DGKG: variants seen among roughly 807,000 people sequenced by gnomAD.
DGKG encodes the protein DAG kinase gamma.
Under a neutral mutation model 105.3 loss-of-function variants are expected in DGKG, and 78 were observed. The ratio of observed to expected loss-of-function variants is 0.74; its 90% confidence interval spans 0.62 to 0.89. The LOEUF (loss-of-function observed/expected upper bound fraction) is 0.89, where lower values mean the gene tolerates loss of function less well. DGKG is among the 40% of genes least tolerant of loss of function. The probability of loss-of-function intolerance (pLI) is 0.00; values close to 1 mark genes in which losing one functional copy is unlikely to be tolerated. For missense variants in DGKG, 958 were observed against 1,020.1 expected, an observed-to-expected ratio of 0.94 and a Z score of 0.83; for synonymous variants, 346 against 367.1, an observed-to-expected ratio of 0.94 and a Z score of 0.66.
chr3:186,325,295 AC>A (rs1725285323), intron 1 of DGKG, among the ~76,000 whole-genome samples: 1 of 152,198 alleles, frequency 6.6e-6, no homozygotes, highest in South Asian at 2.1e-4. Context: ...AAAATTGGGT[AC>A]TATGCTCACT....
In DGKG at chr3:186,198,218, G is replaced by A. The variant is rs567325881; in HGVS notation, c.1918-9839C>T. On this transcript the variant is annotated intron_variant, in intron 21 of 24. Transcript: ENST00000265022. ...CGTATGAGTTCCCCCAACCTCTCTGGATGAATATAGTGAACAAATAAAGTG... is the reference window on the plus strand; with the variant it reads ...CGTATGAGTTCCCCCAACCTCTCTGAATGAATATAGTGAACAAATAAAGTG... Among the ~76,000 whole-genome samples, 4 of 152,310 alleles carry A rather than the reference G, an allele frequency of 2.6e-5. No homozygotes were observed. The South Asian group carries it at 8.3e-4, about 32-fold the overall frequency.
rs532370681 is a variant in DGKG at position 186,217,473 on chromosome 3, A to G, written c.1827-5588T>C. ...CCACATGGAGAAATGGCAAATACAAACAGTGACACCATGGCTCAACTCTAT... is the reference window on the plus strand; with the variant it reads ...CCACATGGAGAAATGGCAAATACAAGCAGTGACACCATGGCTCAACTCTAT... On this transcript the variant is annotated intron_variant, in intron 20 of 24. Transcript: ENST00000265022. 1.2e-4 allele frequency among the ~76,000 whole-genome samples: 19 copies of G among 152,340 alleles called. No individual in the cohort carries two copies. In the East Asian group the frequency reaches 3.5e-3, roughly 28 times the overall value.
At chr3:186,258,178 A>T (rs1174675816) in intron 16 of DGKG, among the ~76,000 whole-genome samples, 1 of 152,198 alleles carries the variant, frequency 6.6e-6, no homozygotes, top group Non-Finnish European at 1.5e-5. Flanking sequence ...CATTCGACAC[A>T]AATGGAAAAT....
chr3:186,264,775 G>A (rs1176311429), intron 14 of DGKG, among the ~76,000 whole-genome samples: 2 of 152,062 alleles, frequency 1.3e-5, no homozygotes, highest in Admixed American at 1.3e-4. Context: ...GAACTCTGTG[G>A]AAGACACAAA....
Position 186,150,103 on chromosome 3 carries a change from C to T in DGKG, c.2363G>A (p.Arg788His), listed in dbSNP as rs201727536. 235 of 1,613,178 alleles carry T rather than the reference C, an allele frequency of 1.5e-4. 2 individuals carry two copies. The highest frequency in any genetic ancestry group is 3.3e-4 in the Middle Eastern group (2 of 6,082). The change falls in exon 25 of 25, where the codon CGT (arginine) becomes CAT (histidine). Residue 788 changes from arginine (R) to histidine (H), a missense_variant. By Grantham distance (29) the Arg-to-His change is conservative. Coordinates refer to ENST00000265022, the MANE Select transcript of DGKG (RefSeq NM_001346.3). ...SSFFSLRRKS[R>H]SKD ...TTGGCACACTGTTTAGTCTTTTGAA[C>T]GGCTCTTCCTTCTCAACGAGAAGAA...
chr3:186,233,055 T>A (rs1720229910), intron 20 of DGKG, among the ~76,000 whole-genome samples: 1 of 152,174 alleles, frequency 6.6e-6, no homozygotes, highest in Non-Finnish European at 1.5e-5. Flanking sequence ...CCTGAAGATG[T>A]CCACGTTCTG....
At chr3:186,254,518 CACCTCGGCAGGTCA>C (rs1392119276) in intron 17 of DGKG, among the ~76,000 whole-genome samples, 2 of 152,174 alleles carry the variant, frequency 1.3e-5, no homozygotes, top group Non-Finnish European at 2.9e-5. Flanking sequence ...TCTGTGTCCC[CACCTCGGCAGGTCA>C]ACTGTTGTTA....
chr3:186,209,453 G>T (rs138037353), intron 21 of DGKG, among the ~76,000 whole-genome samples: 27 of 152,188 alleles, frequency 1.8e-4, no homozygotes, highest in South Asian at 6.2e-4. Flanking sequence ...CATAAAATGG[G>T]GATAATAATC....
At position 186,148,793 on chromosome 3, in the gene DGKG, C is replaced by G. The variant is rs1319993899; in HGVS notation, c.*1297G>C. 2 of 985,404 alleles carry G rather than the reference C, an allele frequency of 2.0e-6. No homozygotes were observed. The highest frequency in any genetic ancestry group is 2.4e-6 in the Non-Finnish European group (2 of 829,888). The allele number at this position is 985,404 out of a possible 1,614,324, so 61.0% of individuals were successfully genotyped here. ...CGGTCTCTTCGTTCATAATAGGGAG[C>G]TACTTTCATTCCCCTTAACCCTTGT... On this transcript the variant is annotated 3_prime_UTR_variant, in exon 25 of 25. Transcript: ENST00000265022.
chr3:186,315,696 C>G (rs1724787182), intron 2 of DGKG, among the ~76,000 whole-genome samples: 1 of 152,084 alleles, frequency 6.6e-6, no homozygotes, highest in Non-Finnish European at 1.5e-5. Context: ...CCGCTAACAG[C>G]TATGCTTCTG....
intron 16 of DGKG, among the ~76,000 whole-genome samples, chr3:186,259,721 G>C (rs571793436): frequency 3.9e-4 from 60 of 152,094 alleles, no homozygotes; most frequent in Non-Finnish European, 7.2e-4. Flanking sequence ...GAGGGCTCTC[G>C]AGCACCGGCC....
At chr3:186,175,647 G>A (rs1717041397) in intron 22 of DGKG, among the ~76,000 whole-genome samples, 1 of 152,170 alleles carries the variant, frequency 6.6e-6, no homozygotes, top group Non-Finnish European at 1.5e-5. Flanking sequence ...GCAGAGCTAT[G>A]GAATCTTGAT....
rs146672128 is a variant in DGKG at position 186,337,554 on chromosome 3, A to C, written c.-248-16847T>G. Among the ~76,000 whole-genome samples, 131 of 152,330 alleles carry C rather than the reference A, an allele frequency of 8.6e-4. 1 individual carries two copies. The East Asian group carries it at 0.022, about 25-fold the overall frequency. ...TACTAGAAGCATTACCATTAAAATC[A>C]AGGACATGATAAGGATGCATGTTAG... On this transcript the variant is annotated intron_variant, in intron 1 of 24. Coordinates refer to ENST00000265022, the MANE Select transcript of DGKG (RefSeq NM_001346.3).
intron 20 of DGKG, among the ~76,000 whole-genome samples, chr3:186,223,081 TG>T (rs2108531787): frequency 7.2e-6 from 1 of 138,120 alleles, no homozygotes; most frequent in African/African-American, 2.6e-5. Context: ...ACTCCATTGT[TG>T]TATATAAAAC....
At chr3:186,265,128 T>C (rs1270283124) in intron 14 of DGKG, 119 bp downstream of exon 14, 6 of 909,794 alleles carry the variant, frequency 6.6e-6, no homozygotes, top group Non-Finnish European at 3.6e-6. Flanking sequence ...GGTGGTATAA[T>C]TAGTCAGATG....
chr3:186,228,140 T>C (rs1474899399), intron 20 of DGKG, among the ~76,000 whole-genome samples: 1 of 152,172 alleles, frequency 6.6e-6, no homozygotes, highest in Admixed American at 6.5e-5. Context: ...TTTTTCAATA[T>C]GGATTTCTAC....
chr3:186,210,586 C>T lies in DGKG; in HGVS notation c.1917+1209G>A, dbSNP rs377509609. On this transcript the variant is annotated intron_variant, in intron 21 of 24. Coordinates refer to ENST00000265022, the MANE Select transcript of DGKG (RefSeq NM_001346.3). The surrounding 1 kb of genome is among the most constrained non-coding windows in gnomAD (Gnocchi z 5.2). Reference sequence around the variant, plus strand: ...TGAGTCAAATGCAGCCGCACAGAACCTCTGGCTTCGTGTTTTGTTTGTGAA... The same window carrying T: ...TGAGTCAAATGCAGCCGCACAGAACTTCTGGCTTCGTGTTTTGTTTGTGAA... 2.0e-5 allele frequency: 9 copies of T among 454,024 alleles called. No individual in the cohort carries two copies. The highest frequency in any genetic ancestry group is 1.4e-4 in the East Asian group (2 of 14,376). The allele number at this position is 454,024 out of a possible 1,614,324, so 28.1% of individuals were successfully genotyped here. A position where few individuals can be genotyped will look rare whatever the true frequency, so the allele number is the denominator to read the frequency against.
chr3:186,252,637 G>A (rs1435149478), intron 18 of DGKG, among the ~76,000 whole-genome samples: 4 of 152,206 alleles, frequency 2.6e-5, no homozygotes, highest in African/African-American at 9.6e-5. Context: ...TTCTAGTGAC[G>A]GTAAGTAACT....
At chr3:186,224,238 G>T (rs1264633767) in intron 20 of DGKG, among the ~76,000 whole-genome samples, 1 of 152,148 alleles carries the variant, frequency 6.6e-6, no homozygotes, top group African/African-American at 2.4e-5. Context: ...TCTTATTCCA[G>T]CATCAAAATC....
Sources: gnomAD v4.1 joint callset for allele counts (sites outside exome capture counted in the v4.1 genomes callset) on GRCh38, gnomAD v4.1.1 for gene constraint, Gnocchi (gnomAD v3.1) non-coding constraint, MANE v1.5 for transcripts, NCBI Gene and HGNC (gene_info 2026-07-23, HGNC 2026-07-21) for gene names.